MYO5B: variants seen among roughly 807,000 people sequenced by gnomAD.
MYO5B encodes unconventional myosin-Vb.
In MYO5B, 143 loss-of-function variants were observed where a neutral mutation model predicts 229.3. The observed-to-expected ratio is 0.62, with a 90% CI of 0.54 to 0.72. MYO5B has a LOEUF of 0.72. MYO5B is among the 30% of genes least tolerant of loss of function. The pLI, the probability that MYO5B is intolerant of heterozygous loss-of-function variation, is 0.00. For synonymous variants in MYO5B, 918 were observed against 885.2 expected (o/e 1.04, Z -0.66); for missense variants, 2,321 against 2,331.0 (o/e 1.00, Z 0.09).
At chr18:50,174,370 G>C (rs945863761) in intron 1 of MYO5B, among the ~76,000 whole-genome samples, 3 of 152,140 alleles carry the variant, frequency 2.0e-5, no homozygotes, top group African/African-American at 7.2e-5. Flanking sequence ...TCAGCCCCTA[G>C]CTCCTGAGAA....
chr18:50,093,640 G>T (rs1478241439), intron 1 of MYO5B, among the ~76,000 whole-genome samples: 1 of 152,050 alleles, frequency 6.6e-6, no homozygotes, highest in African/African-American at 2.4e-5. Flanking sequence ...AGGTCACAAA[G>T]ACCTTGCTGA....
intron 1 of MYO5B, among the ~76,000 whole-genome samples, chr18:50,090,862 T>G (rs2031433070): frequency 6.6e-6 from 1 of 152,190 alleles, no homozygotes. Context: ...GAGGGCTTCC[T>G]GTTCAAACAA....
intron 9 of MYO5B, among the ~76,000 whole-genome samples, chr18:49,976,034 G>T (rs1392234733): frequency 2.6e-5 from 4 of 152,212 alleles, no homozygotes; most frequent in Non-Finnish European, 5.9e-5. Flanking sequence ...GCTCATCGTT[G>T]TTATTCATTC....
At chr18:50,049,297 G>T (rs2030328791) in intron 2 of MYO5B, among the ~76,000 whole-genome samples, 1 of 152,124 alleles carries the variant, frequency 6.6e-6, no homozygotes, top group African/African-American at 2.4e-5. Flanking sequence ...TTTAATGAAT[G>T]AATGATAAAT....
intron 9 of MYO5B, among the ~76,000 whole-genome samples, chr18:49,977,636 G>A (rs575559121): frequency 6.6e-6 from 1 of 152,304 alleles, no homozygotes; most frequent in South Asian, 2.1e-4. Flanking sequence ...CAGGCTGGCA[G>A]GAGTGAAGTG....
chr18:49,902,933 C>A, intron 20 of MYO5B, 100 bp from the exon 21 acceptor site: 2 of 1,484,550 alleles, frequency 1.3e-6, no homozygotes, highest in Non-Finnish European at 9.1e-7. Flanking sequence ...GCCAGGGCAG[C>A]CTTGGTTCTA....
chr18:49,922,883 G>C (rs541933925), intron 17 of MYO5B, among the ~76,000 whole-genome samples: 1 of 152,192 alleles, frequency 6.6e-6, no homozygotes, highest in African/African-American at 2.4e-5. Context: ...TAAGAGGCCA[G>C]GGGTTGTGGG....
chr18:49,946,411 T>C (rs1039010183), intron 14 of MYO5B: 1 of 152,216 alleles, frequency 6.6e-6, no homozygotes, highest in Non-Finnish European at 1.5e-5. Flanking sequence ...GAGTGTCATA[T>C]TGGTGCTCAA....
At chr18:50,146,042 G>C (rs1307072310) in intron 1 of MYO5B, among the ~76,000 whole-genome samples, 3 of 152,216 alleles carry the variant, frequency 2.0e-5, no homozygotes, top group African/African-American at 4.8e-5. Flanking sequence ...TTCCCTAGAA[G>C]GTAGGAAAGA....
In MYO5B at chr18:49,877,746, G is replaced by C. The variant is rs1373578740; in HGVS notation, c.3396+17C>G. ...CCCTCTGGAGGAGGACAGTACCCAA[G>C]AGCCTGCATCACTCACCTCCACCTG... On this transcript the variant is annotated intron_variant, in intron 25 of 39. Transcript: ENST00000285039. The C allele has an allele frequency of 1.9e-6, 3 of 1,613,606 alleles. No individual in the cohort carries two copies. In the African/African-American group the frequency reaches 4.0e-5, roughly 22 times the overall value.
At chr18:50,074,385 A>T (rs76967680) in intron 1 of MYO5B, among the ~76,000 whole-genome samples, 1,563 of 152,316 alleles carry the variant, frequency 0.01, 21 homozygotes, top group African/African-American at 0.035. Flanking sequence ...CCTAAACAGC[A>T]GTCAGAGCAT....
chr18:49,845,278 G>C (rs952416642), intron 33 of MYO5B, among the ~76,000 whole-genome samples: 5 of 152,162 alleles, frequency 3.3e-5, no homozygotes, highest in Non-Finnish European at 7.3e-5. Flanking sequence ...ACAACTGTAG[G>C]GGAGATTAAG....
intron 22 of MYO5B, among the ~76,000 whole-genome samples, chr18:49,884,535 G>C (rs1026129522): frequency 6.6e-6 from 1 of 151,962 alleles, no homozygotes; most frequent in Non-Finnish European, 1.5e-5. Context: ...AGTGTCGCAT[G>C]TGCAGTTCAC....
rs868389410 is a variant in MYO5B at position 49,826,145 on chromosome 18, T to C, written c.*326A>G. ...GACATTCTCTAGTTCTATGCAAAGATCAAAACTAGGCAGCTTCGTTTTATA... is the reference window on the plus strand; with the variant it reads ...GACATTCTCTAGTTCTATGCAAAGACCAAAACTAGGCAGCTTCGTTTTATA... On this transcript the variant is annotated 3_prime_UTR_variant, in exon 40 of 40. Coordinates refer to ENST00000285039, the MANE Select transcript of MYO5B (RefSeq NM_001080467.3). The C allele has an allele frequency of 5.8e-6, 2 of 347,742 alleles. No individual in the cohort carries two copies. Among genetic ancestry groups the C allele is most frequent in the South Asian group, 2.7e-5 (1 of 37,392 alleles). The allele number at this position is 347,742 out of a possible 1,614,324, so 21.5% of individuals were successfully genotyped here. A position where few individuals can be genotyped will look rare whatever the true frequency, so the allele number is the denominator to read the frequency against.
chr18:50,088,318 C>T (rs970700153), intron 1 of MYO5B, among the ~76,000 whole-genome samples: 6 of 152,100 alleles, frequency 3.9e-5, no homozygotes, highest in Admixed American at 3.3e-4. Flanking sequence ...TGGAACTGAG[C>T]CTCAGGAAAC....
intron 1 of MYO5B, among the ~76,000 whole-genome samples, chr18:50,116,612 A>G (rs2031967579): frequency 6.6e-6 from 1 of 152,186 alleles, no homozygotes; most frequent in Non-Finnish European, 1.5e-5. Context: ...CAGAAGGTGA[A>G]TAAGGCCGTT....
At chr18:50,126,153 T>C (rs1261288894) in intron 1 of MYO5B, among the ~76,000 whole-genome samples, 2 of 152,252 alleles carry the variant, frequency 1.3e-5, no homozygotes, top group Non-Finnish European at 2.9e-5. Flanking sequence ...GGTAAATTGT[T>C]ATGTGTATTT....
At chr18:49,966,854 T>G (rs571334965) in intron 10 of MYO5B, among the ~76,000 whole-genome samples, 185 of 152,318 alleles carry the variant, frequency 1.2e-3, no homozygotes, top group Middle Eastern at 6.8e-3. Context: ...TCGGGCAGCT[T>G]GGGGAAACAT....
chr18:49,893,971 G>A (rs2144129137), intron 22 of MYO5B, among the ~76,000 whole-genome samples: 1 of 152,312 alleles, frequency 6.6e-6, no homozygotes, highest in Non-Finnish European at 1.5e-5. Context: ...GTCTAGAAGG[G>A]GCCTTGGAGA....
Sources: allele counts gnomAD v4.1 joint callset (sites outside exome capture counted in the v4.1 genomes callset), GRCh38; gene constraint gnomAD v4.1.1; transcripts MANE v1.5; gene names NCBI Gene and HGNC (gene_info 2026-07-23, HGNC 2026-07-21).